Variants in UTRN observed in about 807,000 individuals in gnomAD.
The protein encoded by UTRN is utrophin, also known as dystrophin-related protein 1.
In UTRN, 283 loss-of-function variants were observed where a neutral mutation model predicts 463.9. The ratio of observed to expected loss-of-function variants is 0.61; its 90% CI spans 0.55 to 0.67. The LOEUF (loss-of-function observed/expected upper bound fraction) is 0.67. Ranked by LOEUF, UTRN falls within the 30% of genes least tolerant of loss-of-function variation. The pLI, the probability that UTRN is intolerant of heterozygous loss-of-function variation, is 0.00. For missense variants in UTRN, 3,922 were observed against 4,084.3 expected, an observed-to-expected ratio of 0.96 and a Z score of 1.08; for synonymous variants, 1,442 against 1,431.5, an observed-to-expected ratio of 1.01 and a Z score of -0.17.
At chr6:144,793,737 T>C in intron 62 of UTRN, 97 bp from the exon 63 acceptor site, 1 of 1,452,866 alleles carries the variant, frequency 6.9e-7, no homozygotes, top group East Asian at 2.4e-5. Context: ...CTGAAATTTT[T>C]TTAATCTGCA....
chr6:144,311,454 G>T (rs1806261962), intron 2 of UTRN, among the ~76,000 whole-genome samples: 1 of 152,136 alleles, frequency 6.6e-6, no homozygotes, highest in African/African-American at 2.4e-5. Context: ...AAACCTGGAT[G>T]CCCTATTTAA....
In UTRN at chr6:144,675,981, T is replaced by A. The variant is rs115161609; in HGVS notation, c.7480-2425T>A. On this transcript the variant is annotated intron_variant, in intron 51 of 74. Coordinates refer to ENST00000367545, the MANE Select transcript of UTRN (RefSeq NM_007124.3). ...GTTTCCCCAAAATCTGAACCAATTT[T>A]AAAAAAATTTATAATAATTCTAATT... 7.2e-5 allele frequency among the ~76,000 whole-genome samples: 11 copies of A among 152,214 alleles called. No individual in the cohort carries two copies. The East Asian group carries it at 1.7e-3, about 24-fold the overall frequency.
chr6:144,840,857 ACAG>A (rs770566388), intron 73 of UTRN, 25 bp downstream of exon 73: 3 of 1,605,308 alleles, frequency 1.9e-6, no homozygotes, highest in Middle Eastern at 1.7e-4. Flanking sequence ...TTGCAGCACC[ACAG>A]CTGCACGTGT....
chr6:144,701,618 G>T (rs188468000), intron 53 of UTRN, among the ~76,000 whole-genome samples: 209 of 151,810 alleles, frequency 1.4e-3, no homozygotes, highest in African/African-American at 4.8e-3. Context: ...TTATTTTATT[G>T]TATTTTTCAC....
At chr6:144,732,629 A>G (rs1788827201) in intron 54 of UTRN, among the ~76,000 whole-genome samples, 3 of 151,482 alleles carry the variant, frequency 2.0e-5, no homozygotes, top group Admixed American at 6.6e-5. Flanking sequence ...GGCCTCCAGC[A>G]TGACATTTAT....
At chr6:144,788,174 G>C (rs537692731) in intron 61 of UTRN, among the ~76,000 whole-genome samples, 1 of 152,090 alleles carries the variant, frequency 6.6e-6, no homozygotes, top group South Asian at 2.1e-4. Context: ...ATGTTCTAAT[G>C]TTGATTAATT....
intron 2 of UTRN, among the ~76,000 whole-genome samples, chr6:144,361,335 A>T (rs74850079): frequency 6.6e-6 from 1 of 152,218 alleles, no homozygotes; most frequent in South Asian, 2.1e-4. Flanking sequence ...GTGTTGCTCT[A>T]CTAATTTTGT....
At chr6:144,619,255 A>G (rs1394568661) in intron 51 of UTRN, among the ~76,000 whole-genome samples, 2 of 152,168 alleles carry the variant, frequency 1.3e-5, no homozygotes, top group African/African-American at 4.8e-5. Context: ...TTTTAAATCA[A>G]TATGTAGTAG....
chr6:144,805,151 G>C (rs771575828), intron 65 of UTRN, among the ~76,000 whole-genome samples: 1 of 152,120 alleles, frequency 6.6e-6, no homozygotes, highest in South Asian at 2.1e-4. Flanking sequence ...AGAGCTTACA[G>C]GAGGCCAACT....
chr6:144,473,886 CTA>C (rs1790922369), intron 24 of UTRN, 53 bp downstream of exon 24: 2 of 1,313,318 alleles, frequency 1.5e-6, no homozygotes, highest in East Asian at 4.7e-5. Flanking sequence ...TGTTCTTTTT[CTA>C]TGTTATTTGC....
chr6:144,456,073 C>CT (rs1329306636), intron 19 of UTRN, among the ~76,000 whole-genome samples: 1 of 151,966 alleles, frequency 6.6e-6, no homozygotes, highest in Non-Finnish European at 1.5e-5. Flanking sequence ...GACCCTAATT[C>CT]TTTTTTGTTT....
At chr6:144,499,901 T>C (rs776951634) in intron 34 of UTRN, among the ~76,000 whole-genome samples, 16 of 152,242 alleles carry the variant, frequency 1.1e-4, no homozygotes, top group Non-Finnish European at 2.1e-4. Flanking sequence ...TCACTTAGGA[T>C]AATGGCCTCC....
At chr6:144,840,964 A>AAT in intron 73 of UTRN, 132 bp downstream of exon 73, 2 of 937,056 alleles carry the variant, frequency 2.1e-6, no homozygotes, top group East Asian at 5.4e-5. Flanking sequence ...ATTATTTGAA[A>AAT]ATAAGGCAAA....
intron 18 of UTRN, 112 bp downstream of exon 18, chr6:144,451,605 A>G: frequency 7.7e-7 from 1 of 1,294,780 alleles, no homozygotes; most frequent in Non-Finnish European, 1.0e-6. Context: ...AAATAAATGT[A>G]GGCAGAAGGT....
At chr6:144,682,453 G>GAC (rs1160821657) in intron 52 of UTRN, among the ~76,000 whole-genome samples, 1 of 152,198 alleles carries the variant, frequency 6.6e-6, no homozygotes. Context: ...TGGGAGTGCA[G>GAC]ATATTTCTGC....
intron 2 of UTRN, among the ~76,000 whole-genome samples, chr6:144,338,424 T>C (rs1204701812): frequency 6.6e-6 from 1 of 152,214 alleles, no homozygotes; most frequent in Non-Finnish European, 1.5e-5. Context: ...GGGGAGTTAA[T>C]TAGATTGTGA....
chr6:144,514,417 T>C (rs1395919940), intron 36 of UTRN, among the ~76,000 whole-genome samples: 1 of 152,370 alleles, frequency 6.6e-6, no homozygotes, highest in Non-Finnish European at 1.5e-5. Context: ...GAGTCTTACA[T>C]ACTTTTGTAT....
At chr6:144,518,766 T>G (rs894678149) in intron 39 of UTRN, among the ~76,000 whole-genome samples, 12 of 152,192 alleles carry the variant, frequency 7.9e-5, no homozygotes, top group African/African-American at 2.9e-4. Flanking sequence ...ATTTGTTTGT[T>G]AAAAGTACTA....
intron 63 of UTRN, among the ~76,000 whole-genome samples, chr6:144,796,362 T>C (rs1777213836): frequency 6.6e-6 from 1 of 152,216 alleles, no homozygotes; most frequent in African/African-American, 2.4e-5. Context: ...GTTAGGTTTT[T>C]AACATATGAG....
Sources: allele counts gnomAD v4.1 joint callset (sites outside exome capture counted in the v4.1 genomes callset), GRCh38; gene constraint gnomAD v4.1.1; transcripts MANE v1.5; gene names NCBI Gene and HGNC (gene_info 2026-07-23, HGNC 2026-07-21).